Variants in TRMT11 observed in about 807,000 individuals in gnomAD.
TRMT11 encodes tRNA methyltransferase 11.
In TRMT11, 53 loss-of-function variants were observed where a neutral mutation model predicts 62.8. That is an observed-to-expected ratio of 0.84 (90% CI 0.68 to 1.06). The LOEUF is 1.06. Ranked by LOEUF, TRMT11 falls within the 50% of genes least tolerant of loss-of-function variation. The pLI is 0.00. For missense variants in TRMT11, 556 were observed against 553.4 expected, an observed-to-expected ratio of 1.00 and a Z score of -0.05; for synonymous variants, 188 against 190.3, an observed-to-expected ratio of 0.99 and a Z score of 0.10.
chr6:126,178,482 A>G (rs894914522), intron 1 of TRMT11, among the ~76,000 whole-genome samples: 1 of 152,080 alleles, frequency 6.6e-6, no homozygotes, highest in Non-Finnish European at 1.5e-5. Flanking sequence ...TTCAGAGTCT[A>G]CCTCCCAGGG....
At chr6:126,062,319 G>A (rs6942211) in intron 17 of TRMT11, among the ~76,000 whole-genome samples, 16,648 of 152,254 alleles carry the variant, frequency 0.11, 2,942 homozygotes, top group African/African-American at 0.37. Flanking sequence ...TTCTTAAGGC[G>A]TAGAGGGAGG....
the TRMT11 span, among the ~76,000 whole-genome samples, chr6:126,233,030 T>C: frequency 6.6e-6 from 1 of 152,204 alleles, no homozygotes; most frequent in Non-Finnish European, 1.5e-5. Flanking sequence ...ATTGCTTTGT[T>C]CTGCATGCTT....
chr6:126,093,620 TATATATATATA>T lies in TRMT11; in HGVS notation c.*1438-19245_*1438-19235del, dbSNP rs1562321417. Among the ~76,000 whole-genome samples, 3 of 96,094 alleles carry T rather than the reference TATATATATATA, an allele frequency of 3.1e-5. 1 individual carries two copies. Among genetic ancestry groups the T allele is most frequent in the African/African-American group, 1.9e-4 (3 of 15,648 alleles). 63.0% of individuals were successfully genotyped at this position (96,094 alleles called of 152,430 possible). ...ATATATATATATATATATATATATA[TATATATATATA>T]TTTTCCCCCAGTCCTGGAGGATCAA... is the stretch of plus-strand genomic sequence containing the variant. On this transcript the variant is annotated intron_variant and NMD_transcript_variant, in intron 17 of 22. Coordinates refer to the TRMT11 transcript ENST00000648977.
intron 21 of TRMT11, among the ~76,000 whole-genome samples, chr6:126,121,175 A>T (rs1777645544): frequency 6.6e-6 from 1 of 152,106 alleles, no homozygotes; most frequent in African/African-American, 2.4e-5. Context: ...GCTGTGCCTT[A>T]CTCAACTTTG....
At position 125,998,640 on chromosome 6, in the gene TRMT11, A is replaced by G. The variant is rs772386714; in HGVS notation, c.478A>G (p.Asn160Asp). The change falls in exon 6 of 13, where the codon AAC (asparagine) becomes GAC (aspartate). Residue 160 changes from asparagine to aspartate, a missense_variant. By Grantham distance (23) the Asn-to-Asp change is conservative (BLOSUM62 1). Transcript: ENST00000334379. The stretch of plus-strand genomic sequence containing the variant: ...TTTGGAGGATTATGGTTTAGACCCA[A>G]ACTGCATCCCTGAGAATCCACATAA... Reference protein sequence around the residue: ...SVLEDYGLDPNCIPENPHNIY... With the variant: ...SVLEDYGLDPDCIPENPHNIY... The G allele has an allele frequency of 6.2e-7, 1 of 1,613,454 alleles. No individual in the cohort carries two copies. Among genetic ancestry groups the G allele is most frequent in the Non-Finnish European group, 8.5e-7 (1 of 1,179,656 alleles).
exon 20 of TRMT11, among the ~76,000 whole-genome samples, chr6:126,115,469 C>T (rs550503462): frequency 1.3e-5 from 2 of 152,206 alleles, no homozygotes; most frequent in South Asian, 2.1e-4. Flanking sequence ...GAGGAAAATT[C>T]AGTCACCTGA....
At chr6:125,997,948 G>A (rs1387960219) in intron 3 of TRMT11, 105 bp from the exon 4 acceptor site, 8 of 786,504 alleles carry the variant, frequency 1.0e-5, no homozygotes, top group South Asian at 3.2e-5. Context: ...CAAAACATAG[G>A]CAATAATCAG....
At chr6:126,259,132 A>G in the TRMT11 span, among the ~76,000 whole-genome samples, 1 of 152,228 alleles carries the variant, frequency 6.6e-6, no homozygotes, top group Admixed American at 6.5e-5. Context: ...AGCTCCATCT[A>G]GTTCCTGTAA....
intron 21 of TRMT11, among the ~76,000 whole-genome samples, chr6:126,120,419 A>T (rs936913053): frequency 5.0e-4 from 76 of 152,258 alleles, no homozygotes; most frequent in African/African-American, 1.8e-3. Flanking sequence ...CAGAATGGTC[A>T]TTTATTACTT....
intron 17 of TRMT11, among the ~76,000 whole-genome samples, chr6:126,098,507 G>T (rs986126122): frequency 6.6e-6 from 1 of 152,150 alleles, no homozygotes; most frequent in East Asian, 1.9e-4. Context: ...CTTTTAAAAA[G>T]TACCTCAAAT....
chr6:126,264,892 ATC>A, the TRMT11 span, among the ~76,000 whole-genome samples: 2 of 152,008 alleles, frequency 1.3e-5, no homozygotes, highest in Non-Finnish European at 2.9e-5. Flanking sequence ...TTTTAAATAA[ATC>A]TCTTTCTATA....
chr6:126,069,855 G>GTT (rs113950068), intron 17 of TRMT11, among the ~76,000 whole-genome samples: 14 of 134,996 alleles, frequency 1.0e-4, no homozygotes, highest in South Asian at 2.5e-4. Context: ...GTAGATGAAG[G>GTT]TTTTTTTTTT....
At chr6:126,101,777 G>A (rs1777404761) in intron 17 of TRMT11, among the ~76,000 whole-genome samples, 1 of 152,208 alleles carries the variant, frequency 6.6e-6, no homozygotes, top group Non-Finnish European at 1.5e-5. Context: ...ATGCTCTTCT[G>A]TTCTTTTGAT....
intron 17 of TRMT11, among the ~76,000 whole-genome samples, chr6:126,069,044 G>A (rs752063978): frequency 6.6e-6 from 1 of 152,166 alleles, no homozygotes; most frequent in African/African-American, 2.4e-5. Flanking sequence ...TTGAAGCTGA[G>A]GAAATCCAAT....
At chr6:126,067,655 T>C (rs1398933877) in intron 17 of TRMT11, among the ~76,000 whole-genome samples, 1 of 152,238 alleles carries the variant, frequency 6.6e-6, no homozygotes, top group Non-Finnish European at 1.5e-5. Flanking sequence ...TTCTTTTACA[T>C]GTTTCCTGGT....
chr6:126,107,570 T>C (rs1194297711), intron 17 of TRMT11, among the ~76,000 whole-genome samples: 2 of 152,174 alleles, frequency 1.3e-5, no homozygotes, highest in Non-Finnish European at 2.9e-5. Context: ...TCCTAAATCA[T>C]GCACAGCAGG....
chr6:126,259,552 A>G, the TRMT11 span, among the ~76,000 whole-genome samples: 2 of 152,216 alleles, frequency 1.3e-5, no homozygotes, highest in Admixed American at 6.5e-5. Context: ...TTGATGGCAT[A>G]TCTTTGCTAT....
At chr6:126,015,577 A>G (rs189504709) in intron 11 of TRMT11, among the ~76,000 whole-genome samples, 16 of 152,190 alleles carry the variant, frequency 1.1e-4, no homozygotes, top group African/African-American at 3.6e-4. Flanking sequence ...TCTTACCTCT[A>G]TATATGTCAT....
chr6:126,113,841 T>A (rs964789235), intron 18 of TRMT11, among the ~76,000 whole-genome samples: 2 of 152,070 alleles, frequency 1.3e-5, no homozygotes, highest in Non-Finnish European at 2.9e-5. Flanking sequence ...AATCTGAATC[T>A]GCAGTTTCAA....
Sources: gnomAD v4.1 joint callset for allele counts (sites outside exome capture counted in the v4.1 genomes callset) on GRCh38, gnomAD v4.1.1 for gene constraint, MANE v1.5 for transcripts, NCBI Gene and HGNC (gene_info 2026-07-23, HGNC 2026-07-21) for gene names.